The following CFAP65 variants were observed in gnomAD, a reference collection of about 807,000 sequenced individuals.
The protein encoded by CFAP65 is cilia and flagella associated protein 65, also known as cilia- and flagella-associated protein 65.
Under a neutral mutation model 208.0 loss-of-function variants are expected in CFAP65, and 155 were observed. That is an observed-to-expected ratio of 0.75 (90% CI 0.65 to 0.85). The LOEUF (loss-of-function observed/expected upper bound fraction) is 0.85. CFAP65 is among the 40% of genes least tolerant of loss of function. CFAP65 has a pLI of 0.00. For missense variants in CFAP65, 2,294 were observed against 2,451.3 expected (o/e 0.94, Z 1.36); for synonymous variants, 970 against 986.3 (o/e 0.98, Z 0.31).
In CFAP65 at chr2:219,006,051, A is replaced by G. The variant is rs148080515; in HGVS notation, c.4892T>C (p.Phe1631Ser). ...CAAAAAGTGGCAGGGAAACTCTGAG[A>G]AGAAGTTAGCCAGAAAGTAGTCGGT... ...HATDYFLANF[F>S]SEFPCHFLHR... The change falls in exon 31 of 35, where the codon TTC becomes TCC. Residue 1631 changes from phenylalanine (F) to serine (S), a missense_variant. This residue lies in a region of CFAP65 where 1,427 missense variants were observed against 1,438.7 expected (regional missense o/e 0.99). Transcript: ENST00000341552. The G allele has an allele frequency of 1.1e-5, 17 of 1,613,182 alleles. No homozygotes were observed. In the African/African-American group the frequency reaches 1.7e-4, roughly 16 times the overall value.
chr2:219,013,221 A>G (rs1311754893), intron 24 of CFAP65, 38 bp downstream of exon 24: 1 of 1,362,756 alleles, frequency 7.3e-7, no homozygotes, highest in Non-Finnish European at 1.0e-6. Flanking sequence ...ATCAACACTT[A>G]GGCCTTCTTG....
At chr2:219,029,693 G>C (rs1185445688) in intron 10 of CFAP65, 25 bp from the exon 11 acceptor site, 1 of 1,605,402 alleles carries the variant, frequency 6.2e-7, no homozygotes, top group East Asian at 2.2e-5. Context: ...TGGGGTATCA[G>C]CTTCCCCAAG....
intron 27 of CFAP65, 84 bp downstream of exon 27, chr2:219,009,838 TGTGGGGTGGGATGGGATGGA>T: frequency 4.0e-6 from 2 of 496,192 alleles, no homozygotes. Flanking sequence ...GGATGGGGTT[TGTGGGGTGGGATGGGATGGA>T]GTGGGGTGGT....
chr2:219,021,167 G>A lies in CFAP65; in HGVS notation c.3244C>T (p.Leu1082Phe). The part of the protein sequence containing the change: ...SQYSWTITYS[L>F]LSHRDNKAGE... The stretch of plus-strand genomic sequence containing the variant: ...GTCTAGGTACCTCTGTGGGAAAGGA[G>A]AGAGTAGGTGATGGTCCAGGAGTAC... The change falls in exon 19 of 35, where the codon CTC (leucine) becomes TTC (phenylalanine). Residue 1082 changes from leucine (L) to phenylalanine (F), a missense_variant. Leu to Phe is a conservative substitution (Grantham distance 22, BLOSUM62 0). This residue lies in a region of CFAP65 where 1,427 missense variants were observed against 1,438.7 expected (regional missense o/e 0.99). Coordinates refer to ENST00000341552, the MANE Select transcript of CFAP65 (RefSeq NM_194302.4). The A allele has an allele frequency of 6.3e-7, 1 of 1,577,622 alleles. No individual in the cohort carries two copies. The highest frequency in any genetic ancestry group is 8.6e-7 in the Non-Finnish European group (1 of 1,161,478).
chr2:219,041,475 G>A lies in CFAP65; in HGVS notation c.-49+13C>T, dbSNP rs1477108022. ...GAGACCCTGGGACCTTGGGACTAAC[G>A]CTCAGAACTTACATCGCCTCCATAT... On this transcript the variant is annotated intron_variant, in intron 1 of 34. Transcript: ENST00000341552. The A allele has an allele frequency of 3.2e-6, 5 of 1,550,506 alleles. No individual in the cohort carries two copies. The highest frequency in any genetic ancestry group is 3.5e-6 in the Non-Finnish European group (4 of 1,146,956).
intron 32 of CFAP65, among the ~76,000 whole-genome samples, 166 bp downstream of exon 32, chr2:219,005,268 C>T (rs143151524): frequency 4.1e-4 from 62 of 152,244 alleles, no homozygotes; most frequent in African/African-American, 1.3e-3. Context: ...TCAAGCCACC[C>T]GCCCACTGCT....
Position 219,026,138 on chromosome 2 carries a change from T to C in CFAP65, c.2233A>G (p.Ile745Val). The C allele has an allele frequency of 6.2e-7, 1 of 1,613,190 alleles. No individual in the cohort carries two copies. The highest frequency in any genetic ancestry group is 1.3e-5 in the African/African-American group (1 of 75,008). Reference sequence around the variant, plus strand: ...GGGCACATGGTGCAGTCCTCCTCAATATTACTGTAGCTCTGCAGGACCTGC... The same window carrying C: ...GGGCACATGGTGCAGTCCTCCTCAACATTACTGTAGCTCTGCAGGACCTGC... ...IYKVLQSYSN[I>V]EEDCTMCPSW... Residue 745 changes from isoleucine (I) to valine (V), a missense_variant, in exon 14 of 35, where the codon ATT (isoleucine) becomes GTT (valine). This residue lies in a region of CFAP65 where 867 missense variants were observed against 1,012.6 expected (regional missense o/e 0.86). Transcript: ENST00000341552.
chr2:219,005,319 C>A (rs2106052579), intron 32 of CFAP65, 115 bp downstream of exon 32: 3 of 1,405,552 alleles, frequency 2.1e-6, no homozygotes, highest in Non-Finnish European at 3.0e-6. Flanking sequence ...AACCTCCATG[C>A]CCCACCAAGT....
At position 219,019,693 on chromosome 2, in the gene CFAP65, G is replaced by A. The variant is rs372322796; in HGVS notation, c.3286C>T (p.Leu1096=). 3.7e-6 allele frequency: 6 copies of A among 1,613,302 alleles called. No individual in the cohort carries two copies. In the African/African-American group the frequency reaches 8.0e-5, roughly 22 times the overall value. The change falls in exon 20 of 35, where the codon CTG becomes TTG. Residue 1096 remains leucine, a synonymous_variant. Coordinates refer to ENST00000341552, the MANE Select transcript of CFAP65 (RefSeq NM_194302.4). The part of the protein sequence containing the change: ...RDNKAGEKQE[L]CCVSLVAVYP... ...ACGGCCACCAGGGAGACGCAGCACA[G>A]CTCCTGCTTCTCCCCAGCCTTGTTA...
chr2:219,026,970 G>A lies in CFAP65; in HGVS notation c.2211+680C>T, dbSNP rs1023524685. 3 of 988,592 alleles carry A rather than the reference G, an allele frequency of 3.0e-6. No individual in the cohort carries two copies. In the African/African-American group the frequency reaches 5.2e-5, roughly 17 times the overall value. The allele number at this position is 988,592 out of a possible 1,614,324, so 61.2% of individuals were successfully genotyped here. On this transcript the variant is annotated intron_variant, in intron 13 of 34. Transcript: ENST00000341552. ...TTAGAGATGAAAAGATCAGGACTCA[G>A]AGACATTAAGGAACTTGCCCAAGGT...
Position 219,003,990 on chromosome 2 carries a change from C to T in CFAP65, c.5517G>A (p.Lys1839=), listed in dbSNP as rs1945760027. 1 of 1,613,994 alleles carries T rather than the reference C, an allele frequency of 6.2e-7. No homozygotes were observed. Among genetic ancestry groups the T allele is most frequent in the Admixed American group, 1.7e-5 (1 of 60,020 alleles). ...CCTTCTCGTCCTGTTCTTGCTCCTC[C>T]TTCACCATGACATTCAGCTGCTGTT... ...QWQQQLNVMV[K]EEQEQDEKEA... The change falls in exon 33 of 35, where the codon AAG becomes AAA. Residue 1839 remains lysine, a synonymous_variant. Transcript: ENST00000341552. This position sits in a 1 kb window ranked among gnomAD's most constrained non-coding sequence, Gnocchi z 4.4.
Position 219,028,417 on chromosome 2 carries a change from G to C in CFAP65, c.1651-16C>G. ...ACAGTGGGTCCTGTGACATTTGTCT[G>C]TGTGTGGTGGGGCATGGGAGGGGTG... On this transcript the variant is annotated splice_polypyrimidine_tract_variant and intron_variant, in intron 11 of 34. Coordinates refer to ENST00000341552, the MANE Select transcript of CFAP65 (RefSeq NM_194302.4). 1 of 1,611,274 alleles carries C rather than the reference G, an allele frequency of 6.2e-7. No homozygotes were observed. Among genetic ancestry groups the C allele is most frequent in the Non-Finnish European group, 8.5e-7 (1 of 1,179,094 alleles).
rs767734946 is a variant in CFAP65 at position 219,019,086 on chromosome 2, C to T, written c.3567G>A (p.Leu1189=). The stretch of plus-strand genomic sequence containing the variant: ...ACACCACTCCGCTGTTCTTCAGGGC[C>T]AGGAATACCACGGAAGGTGGGGCCT... ...PFKAPPSVVF[L]ALKNSGVVSL... is the part of the protein sequence containing the mutation. Residue 1189 remains leucine (L), a synonymous_variant, in exon 21 of 35, where the codon CTG becomes CTA. Transcript: ENST00000341552. 6.2e-7 allele frequency: 1 copy of T among 1,614,220 alleles called. No homozygotes were observed. Among genetic ancestry groups the T allele is most frequent in the Non-Finnish European group, 8.5e-7 (1 of 1,180,038 alleles).
intron 25 of CFAP65, 25 bp downstream of exon 25, chr2:219,010,780 C>T: frequency 1.3e-6 from 2 of 1,592,156 alleles, no homozygotes; most frequent in Non-Finnish European, 1.7e-6. Context: ...ACCCCACCTC[C>T]CACGTCATCC....
rs934276437 is a variant in CFAP65, at chr2:219,031,006, C to G, written c.1015+100G>C. The G allele has an allele frequency of 7.0e-7, 1 of 1,427,618 alleles. No homozygotes were observed. The highest frequency in any genetic ancestry group is 1.3e-5 in the South Asian group (1 of 75,636). The allele number at this position is 1,427,618 out of a possible 1,614,324, so 88.4% of individuals were successfully genotyped here. Reference sequence around the variant, plus strand: ...GGGGAGGGCAGGAGGCCGGTGGAGGCGGGGGCCAGGCCAGATGGGAGGTGG... The same window carrying G: ...GGGGAGGGCAGGAGGCCGGTGGAGGGGGGGGCCAGGCCAGATGGGAGGTGG... On this transcript the variant is annotated intron_variant, in intron 8 of 34. Transcript: ENST00000341552. This position sits in a 1 kb window ranked among gnomAD's most constrained non-coding sequence, Gnocchi z 5.2.
intron 1 of CFAP65, among the ~76,000 whole-genome samples, chr2:219,041,011 A>T (rs1230521089): frequency 6.6e-6 from 1 of 152,248 alleles, no homozygotes; most frequent in African/African-American, 2.4e-5. Context: ...CTTTCCCACT[A>T]GCCTGCACTA....
intron 10 of CFAP65, 52 bp downstream of exon 10, chr2:219,029,934 C>T: frequency 6.4e-7 from 1 of 1,553,388 alleles, no homozygotes; most frequent in African/African-American, 1.4e-5. Context: ...CTTCAGAATC[C>T]TCAGCAGGGG....
chr2:219,003,312 G>T lies in CFAP65; in HGVS notation c.5556-40C>A, dbSNP rs988056953. 9.7e-5 allele frequency: 144 copies of T among 1,481,666 alleles called. No homozygotes were observed. Among genetic ancestry groups the T allele is most frequent in the Non-Finnish European group, 1.2e-4 (134 of 1,115,010 alleles). The allele number at this position is 1,481,666 out of a possible 1,614,324, so 91.8% of individuals were successfully genotyped here. A position where few individuals can be genotyped will look rare whatever the true frequency, so the allele number is the denominator to read the frequency against. On this transcript the variant is annotated intron_variant, in intron 33 of 34. Coordinates refer to ENST00000341552, the MANE Select transcript of CFAP65 (RefSeq NM_194302.4). This position sits in a 1 kb window ranked among gnomAD's most constrained non-coding sequence, Gnocchi z 4.4. Reference sequence around the variant, plus strand: ...GGGCTAGCATGAGGGCGGCCGCAGTGCCCGCGCGCCTCCTCGCTCGCCTGT... The same window carrying T: ...GGGCTAGCATGAGGGCGGCCGCAGTTCCCGCGCGCCTCCTCGCTCGCCTGT...
At chr2:219,019,249 G>A (rs1947112469) in intron 20 of CFAP65, 70 bp from the exon 21 acceptor site, 2 of 1,520,564 alleles carry the variant, frequency 1.3e-6, no homozygotes, top group Non-Finnish European at 1.8e-6. Context: ...AGGGATGGCT[G>A]GCTTGGGCAC....
Sources: gnomAD v4.1 joint callset for allele counts (sites outside exome capture counted in the v4.1 genomes callset) on GRCh38, gnomAD v4.1.1 for gene constraint, gnomAD v4.1.1 regional missense constraint, Gnocchi (gnomAD v3.1) non-coding constraint, MANE v1.5 for transcripts, NCBI Gene and HGNC (gene_info 2026-07-23, HGNC 2026-07-21) for gene names.